The following CNTNAP2 variants were observed in gnomAD, a reference collection of about 807,000 sequenced individuals.
The protein encoded by CNTNAP2 is contactin-associated protein-like 2.
Under a neutral mutation model 155.2 loss-of-function variants are expected in CNTNAP2, and 98 were observed. The observed-to-expected ratio is 0.63, with a 90% CI of 0.54 to 0.75. The LOEUF (loss-of-function observed/expected upper bound fraction) is 0.75, where lower values mean the gene tolerates loss of function less well. CNTNAP2 is among the 30% of genes least tolerant of loss of function. CNTNAP2 has a pLI of 0.00. For missense variants in CNTNAP2, 1,727 were observed against 1,688.1 expected (o/e 1.02, Z -0.40); for synonymous variants, 651 against 631.2 (o/e 1.03, Z -0.47).
At chr7:148,021,875 T>C (rs1802285143) in intron 15 of CNTNAP2, among the ~76,000 whole-genome samples, 1 of 152,160 alleles carries the variant, frequency 6.6e-6, no homozygotes, top group African/African-American at 2.4e-5. Context: ...GGGAAGGGCA[T>C]CAGACACGGT....
chr7:146,445,055 C>A (rs1272991829), intron 1 of CNTNAP2, among the ~76,000 whole-genome samples: 5 of 152,012 alleles, frequency 3.3e-5, no homozygotes, highest in African/African-American at 1.2e-4. Flanking sequence ...AACAAAAAAA[C>A]TTCCTTCTAA....
intron 9 of CNTNAP2, among the ~76,000 whole-genome samples, chr7:147,320,505 C>T (rs1208688001): frequency 6.6e-6 from 1 of 152,148 alleles, no homozygotes; most frequent in South Asian, 2.1e-4. Flanking sequence ...TTTTATGTTC[C>T]TTCAAGTGAG....
intron 12 of CNTNAP2, among the ~76,000 whole-genome samples, chr7:147,575,646 T>C (rs1280219431): frequency 1.3e-5 from 2 of 151,934 alleles, no homozygotes; most frequent in Non-Finnish European, 2.9e-5. Context: ...TCTTTATTTT[T>C]AATTCTGTAA....
intron 1 of CNTNAP2, among the ~76,000 whole-genome samples, chr7:146,713,386 G>A (rs1801132751): frequency 6.6e-6 from 1 of 152,056 alleles, no homozygotes; most frequent in Admixed American, 6.6e-5. Context: ...AAGGCCATTT[G>A]CTTTGTAGCT....
intron 1 of CNTNAP2, among the ~76,000 whole-genome samples, chr7:146,307,540 G>C (rs1315768726): frequency 6.6e-6 from 1 of 152,058 alleles, no homozygotes; most frequent in Non-Finnish European, 1.5e-5. Flanking sequence ...TAAGCCAAAA[G>C]AACAAAGCTG....
intron 10 of CNTNAP2, among the ~76,000 whole-genome samples, chr7:147,438,105 CTTTCT>C (rs1488077022): frequency 3.3e-5 from 5 of 152,120 alleles, no homozygotes; most frequent in Middle Eastern, 6.8e-3. Context: ...CCGTTTATCT[CTTTCT>C]TTTGTCTGAT....
At chr7:146,187,491 T>C (rs1174000704) in intron 1 of CNTNAP2, among the ~76,000 whole-genome samples, 1 of 152,222 alleles carries the variant, frequency 6.6e-6, no homozygotes, top group African/African-American at 2.4e-5. Context: ...CACAAAACTA[T>C]ACATTATCAC....
intron 13 of CNTNAP2, among the ~76,000 whole-genome samples, chr7:147,832,548 T>C (rs1201379315): frequency 1.4e-5 from 2 of 141,620 alleles, no homozygotes; most frequent in East Asian, 2.1e-4. Context: ...TATTTCAATA[T>C]ATTATATTGA....
At chr7:148,186,445 A>T (rs1795115732) in intron 18 of CNTNAP2, among the ~76,000 whole-genome samples, 1 of 152,166 alleles carries the variant, frequency 6.6e-6, no homozygotes, top group African/African-American at 2.4e-5. Context: ...TTTTTCCACC[A>T]TATACACTAG....
intron 1 of CNTNAP2, among the ~76,000 whole-genome samples, chr7:146,685,694 A>G (rs1277793516): frequency 6.6e-6 from 1 of 151,914 alleles, no homozygotes. Flanking sequence ...CTGAGGTGCA[A>G]AAGATGGTTT....
intron 13 of CNTNAP2, among the ~76,000 whole-genome samples, chr7:147,696,030 GT>G (rs1262696773): frequency 6.6e-6 from 1 of 151,990 alleles, no homozygotes; most frequent in Non-Finnish European, 1.5e-5. Context: ...CATGATCTAT[GT>G]TTCTCTATCC....
chr7:147,287,443 G>A (rs1030167899), intron 8 of CNTNAP2, among the ~76,000 whole-genome samples: 35 of 152,002 alleles, frequency 2.3e-4, no homozygotes, highest in Admixed American at 2.0e-3. Flanking sequence ...GATGGGCCTT[G>A]GAGAAACTTC....
intron 3 of CNTNAP2, among the ~76,000 whole-genome samples, chr7:146,912,762 T>C (rs1292784885): frequency 6.6e-6 from 1 of 152,188 alleles, no homozygotes; most frequent in Non-Finnish European, 1.5e-5. Context: ...GTACTATTTA[T>C]TTGACTGCGG....
At chr7:148,293,651 C>T (rs1267871423) in intron 21 of CNTNAP2, among the ~76,000 whole-genome samples, 3 of 152,134 alleles carry the variant, frequency 2.0e-5, no homozygotes, top group Admixed American at 2.0e-4. Flanking sequence ...ATTATTAAAA[C>T]ACCTAGATTT....
At chr7:147,226,890 C>T (rs1441296536) in intron 8 of CNTNAP2, among the ~76,000 whole-genome samples, 1 of 152,070 alleles carries the variant, frequency 6.6e-6, no homozygotes, top group East Asian at 1.9e-4. Flanking sequence ...TTTATTGTAC[C>T]AGTTAAACAT....
intron 10 of CNTNAP2, among the ~76,000 whole-genome samples, chr7:147,427,878 C>A (rs1000440498): frequency 6.6e-6 from 1 of 152,014 alleles, no homozygotes; most frequent in African/African-American, 2.4e-5. Flanking sequence ...TTTATGATGG[C>A]TTTTACTGTT....
chr7:148,021,488 G>A (rs981114193), intron 15 of CNTNAP2, among the ~76,000 whole-genome samples: 3 of 152,160 alleles, frequency 2.0e-5, no homozygotes, highest in Non-Finnish European at 2.9e-5. Flanking sequence ...TGTCCCTAAC[G>A]CTGAATCCTA....
At chr7:146,454,308 G>T (rs760895460) in intron 1 of CNTNAP2, among the ~76,000 whole-genome samples, 1 of 151,974 alleles carries the variant, frequency 6.6e-6, no homozygotes, top group Non-Finnish European at 1.5e-5. Context: ...CCCCCTTTAC[G>T]TATTTCTAAG....
chr7:148,260,980 A>G (rs1796549071), intron 20 of CNTNAP2, among the ~76,000 whole-genome samples: 1 of 152,232 alleles, frequency 6.6e-6, no homozygotes, highest in Non-Finnish European at 1.5e-5. Flanking sequence ...TATTTTAACA[A>G]GAGCTTTTTA....
Sources: gnomAD v4.1 joint callset for allele counts (sites outside exome capture counted in the v4.1 genomes callset) on GRCh38, gnomAD v4.1.1 for gene constraint, MANE v1.5 for transcripts, NCBI Gene and HGNC (gene_info 2026-07-23, HGNC 2026-07-21) for gene names.